PCDHA6: variants seen among roughly 807,000 people sequenced by gnomAD.
PCDHA6 encodes the protein protocadherin alpha 6, also known as protocadherin alpha-6.
PCDHA6 carries 55 observed loss-of-function variants against 60.3 expected under a neutral mutation model. The observed-to-expected ratio is 0.91, with a 90% confidence interval of 0.73 to 1.14. The LOEUF (loss-of-function observed/expected upper bound fraction) is 1.14, where lower values mean the gene tolerates loss of function less well. Ranked by LOEUF, PCDHA6 falls within the 50% of genes most tolerant of loss-of-function variation. The pLI is 0.00. For missense variants in PCDHA6, 1,327 were observed against 1,256.5 expected, an observed-to-expected ratio of 1.06 and a Z score of -0.85; for synonymous variants, 652 against 557.9, an observed-to-expected ratio of 1.17 and a Z score of -2.38.
At chr5:140,863,736 T>C (rs2048147573) in intron 1 of PCDHA6, 1 of 249,698 alleles carries the variant, frequency 4.0e-6, no homozygotes. Context: ...AGCTCATGCC[T>C]ATTTGTAATC....
chr5:140,829,201 C>T lies in PCDHA6; in HGVS notation c.1110C>T (p.Ala370=), dbSNP rs2150163730. The T allele has an allele frequency of 8.1e-6, 13 of 1,614,196 alleles. No homozygotes were observed. Among genetic ancestry groups the T allele is most frequent in the Admixed American group, 1.7e-5 (1 of 60,020 alleles). ...REDAQFGTVI[A]LISVNDLDSG... ...ACGCTCAATTTGGTACTGTCATCGC[C>T]CTAATTAGCGTGAACGACCTCGATT... Residue 370 remains alanine, a synonymous_variant, in exon 1 of 4, where the codon GCC becomes GCT. Coordinates refer to ENST00000529310, the MANE Select transcript of PCDHA6 (RefSeq NM_018909.4).
At position 140,856,500 on chromosome 5, in the gene PCDHA6, T is replaced by G. The variant is rs371158035; in HGVS notation, c.2394+26015T>G. 1.4e-5 allele frequency: 22 copies of G among 1,598,280 alleles called. 1 individual carries two copies. The African/African-American group carries it at 3.0e-4, about 22-fold the overall frequency. ...GAATCCAGACTGCTTGACTCTCGAT[T>G]TCCACTAGAAGGCGCATCTGATGCG... On this transcript the variant is annotated intron_variant, in intron 1 of 3. Transcript: ENST00000529310.
intron 1 of PCDHA6, chr5:140,865,407 G>A (rs2048863469): frequency 6.6e-6 from 1 of 152,160 alleles, no homozygotes; most frequent in Non-Finnish European, 1.5e-5. Flanking sequence ...TGCTGAAAAG[G>A]AATTAGTAGT....
intron 1 of PCDHA6, chr5:140,871,125 G>T (rs1387416665): frequency 6.2e-7 from 1 of 1,613,330 alleles, no homozygotes; most frequent in Non-Finnish European, 8.5e-7. Context: ...GCGGACAGGC[G>T]CCAAAGGCCT....
chr5:140,967,745 G>A, intron 1 of PCDHA6: 1 of 1,614,184 alleles, frequency 6.2e-7, no homozygotes, highest in Non-Finnish European at 8.5e-7. Flanking sequence ...GGATTATGAG[G>A]AAGCCTCCTC....
At chr5:141,009,295 A>T (rs782350734) in intron 3 of PCDHA6, among the ~76,000 whole-genome samples, 13 of 152,030 alleles carry the variant, frequency 8.6e-5, no homozygotes, top group Admixed American at 3.9e-4. Context: ...TTTCTATAAA[A>T]TTTTTTTTAA....
intron 1 of PCDHA6, among the ~76,000 whole-genome samples, chr5:140,969,836 T>C (rs1349045341): frequency 6.6e-6 from 1 of 152,224 alleles, no homozygotes; most frequent in Non-Finnish European, 1.5e-5. Flanking sequence ...ACAGTGGAAA[T>C]TATCTAGTTA....
intron 1 of PCDHA6, chr5:140,870,818 C>A: frequency 6.2e-7 from 1 of 1,613,692 alleles, no homozygotes; most frequent in Non-Finnish European, 8.5e-7. Context: ...GCTGGCAGCG[C>A]GGGAGGCGCA....
In PCDHA6 at chr5:141,010,551, C is replaced by T. The variant is rs2098417607; in HGVS notation, c.*614C>T. ...AGCCACCCTCTAGGAGACAAAACTA[C>T]CCCCACTGACAAGGCTTTAGGAGAC... On this transcript the variant is annotated 3_prime_UTR_variant, in exon 4 of 4. Coordinates refer to ENST00000529310, the MANE Select transcript of PCDHA6 (RefSeq NM_018909.4). The T allele has an allele frequency of 9.3e-6, 3 of 323,786 alleles. No homozygotes were observed. Among genetic ancestry groups the T allele is most frequent in the African/African-American group, 2.1e-5 (1 of 47,406 alleles). The allele number at this position is 323,786 out of a possible 1,614,324, so 20.1% of individuals were successfully genotyped here.
chr5:140,961,760 A>G (rs1563318527), intron 1 of PCDHA6, among the ~76,000 whole-genome samples: 3 of 152,172 alleles, frequency 2.0e-5, no homozygotes. Context: ...TTTTGAAGGA[A>G]TTTATATCAA....
chr5:140,993,783 T>C (rs1402072576), intron 3 of PCDHA6, among the ~76,000 whole-genome samples: 2 of 152,230 alleles, frequency 1.3e-5, no homozygotes, highest in East Asian at 3.9e-4. Flanking sequence ...TTTTGTACAG[T>C]AACATGCTGT....
At chr5:140,887,668 A>G (rs1047587717) in intron 1 of PCDHA6, among the ~76,000 whole-genome samples, 1 of 151,958 alleles carries the variant, frequency 6.6e-6, no homozygotes, top group Non-Finnish European at 1.5e-5. Context: ...CTGTGGATTT[A>G]TCATTTTCAT....
At chr5:140,862,417 T>A (rs77196804) in intron 1 of PCDHA6, 1 of 351,262 alleles carries the variant, frequency 2.8e-6, no homozygotes, top group East Asian at 7.4e-5. Context: ...CAAAAGGCGC[T>A]GCCCAGAAAC....
At chr5:140,895,904 C>T (rs956599707) in intron 1 of PCDHA6, among the ~76,000 whole-genome samples, 10 of 152,136 alleles carry the variant, frequency 6.6e-5, no homozygotes, top group South Asian at 2.1e-4. Flanking sequence ...CTCCGCGTCC[C>T]GGGCTCAACA....
intron 1 of PCDHA6, among the ~76,000 whole-genome samples, chr5:140,971,090 T>G (rs1554233007): frequency 1.3e-5 from 2 of 152,204 alleles, no homozygotes. Context: ...TAACAAATTC[T>G]TGTGAAGCCC....
At chr5:140,924,263 G>T (rs1292368780) in intron 1 of PCDHA6, among the ~76,000 whole-genome samples, 3 of 152,148 alleles carry the variant, frequency 2.0e-5, no homozygotes, top group African/African-American at 7.2e-5. Context: ...ATCTAATGAG[G>T]TCTGTACTTG....
chr5:140,867,395 T>C (rs1319055963), intron 1 of PCDHA6: 1 of 152,176 alleles, frequency 6.6e-6, no homozygotes, highest in Admixed American at 6.5e-5. Context: ...TTATAAAAGT[T>C]GATATGTCTC....
At chr5:140,874,459 G>A (rs569536068) in intron 1 of PCDHA6, among the ~76,000 whole-genome samples, 3 of 152,196 alleles carry the variant, frequency 2.0e-5, no homozygotes, top group African/African-American at 7.2e-5. Flanking sequence ...GACCTGTAGG[G>A]GAAGATTTAG....
intron 1 of PCDHA6, chr5:140,863,133 G>T (rs2047814450): frequency 5.0e-6 from 3 of 600,930 alleles, no homozygotes; most frequent in African/African-American, 1.9e-5. Flanking sequence ...GCCACCGCCT[G>T]CTGGTGCTGG....
Sources: allele counts gnomAD v4.1 joint callset (sites outside exome capture counted in the v4.1 genomes callset), GRCh38; gene constraint gnomAD v4.1.1; transcripts MANE v1.5; gene names NCBI Gene and HGNC (gene_info 2026-07-23, HGNC 2026-07-21).